Variants in PRKAR1B observed in about 807,000 individuals in gnomAD.
PRKAR1B encodes the protein protein kinase cAMP-dependent type I regulatory subunit beta.
A neutral mutation model predicts 46.5 loss-of-function variants in PRKAR1B; 22 were observed. That is an observed-to-expected ratio of 0.47 (90% confidence interval 0.34 to 0.68). PRKAR1B has a LOEUF of 0.68. Among genes scored for constraint, PRKAR1B ranks in the 30% least tolerant of loss-of-function variants. The probability of loss-of-function intolerance (pLI) is 0.01; values close to 1 mark genes in which losing one functional copy is unlikely to be tolerated. For synonymous variants in PRKAR1B, 259 were observed against 217.7 expected (o/e 1.19, Z -1.67); for missense variants, 445 against 535.6 (o/e 0.83, Z 1.67).
At chr7:681,734 G>T (rs921117968) in intron 2 of PRKAR1B, among the ~76,000 whole-genome samples, 1 of 152,226 alleles carries the variant, frequency 6.6e-6, no homozygotes, top group Non-Finnish European at 1.5e-5. Context: ...CCTTGCTCCT[G>T]CCCACAGACA....
intron 1 of PRKAR1B, among the ~76,000 whole-genome samples, chr7:720,050 C>CTTTT (rs34254216): frequency 3.5e-4 from 33 of 93,156 alleles, no homozygotes; most frequent in East Asian, 6.8e-4. Flanking sequence ...CTGTGCAAGT[C>CTTTT]TTTTTTTTTT....
At chr7:598,097 G>A (rs1264594850) in intron 6 of PRKAR1B, among the ~76,000 whole-genome samples, 1 of 152,134 alleles carries the variant, frequency 6.6e-6, no homozygotes, top group Non-Finnish European at 1.5e-5. Flanking sequence ...CACGCCTGGG[G>A]TGGCAGTCGC....
At chr7:627,885 G>A (rs1783502265) in intron 4 of PRKAR1B, among the ~76,000 whole-genome samples, 1 of 152,206 alleles carries the variant, frequency 6.6e-6, no homozygotes, top group Admixed American at 6.5e-5. Context: ...GTCTGTGCTG[G>A]GCGCCAGGTT....
At chr7:579,467 T>C (rs1583237321) in intron 8 of PRKAR1B, 90 bp from the exon 9 acceptor site, 5 of 1,541,210 alleles carry the variant, frequency 3.2e-6, no homozygotes, top group Non-Finnish European at 4.4e-6. Flanking sequence ...TCCCGAAAGG[T>C]GTCCTCAGAA....
chr7:619,105 T>C (rs995875054), intron 4 of PRKAR1B, among the ~76,000 whole-genome samples: 3 of 152,112 alleles, frequency 2.0e-5, no homozygotes, highest in South Asian at 2.1e-4. Context: ...CTCAATATGA[T>C]TGGTGTCCTT....
Position 666,079 on chromosome 7 carries a change from A to C in PRKAR1B, c.440+11150T>G, listed in dbSNP as rs993650552. ...GCCGGAGGCCCAACGCACAACACAA[A>C]CACGCACGGTGCCACCCAATTATCA... On this transcript the variant is annotated intron_variant, in intron 4 of 10. Transcript: ENST00000537384. The surrounding 1 kb of genome is among the most constrained non-coding windows in gnomAD (Gnocchi z 4.9). Among the ~76,000 whole-genome samples the C allele has an allele frequency of 1.3e-5, 2 of 152,102 alleles. No homozygotes were observed. The highest frequency in any genetic ancestry group is 4.8e-5 in the African/African-American group (2 of 41,408).
intron 4 of PRKAR1B, among the ~76,000 whole-genome samples, chr7:654,797 A>C (rs988728340): frequency 6.6e-6 from 1 of 151,988 alleles, no homozygotes; most frequent in African/African-American, 2.4e-5. Flanking sequence ...CATCACTATC[A>C]CCATTTTTAT....
intron 3 of PRKAR1B, among the ~76,000 whole-genome samples, chr7:679,803 C>A (rs1222361929): frequency 6.6e-6 from 1 of 152,030 alleles, no homozygotes; most frequent in African/African-American, 2.4e-5. Context: ...TGGGAGGTGG[C>A]TGGGGTTGGA....
intron 2 of PRKAR1B, among the ~76,000 whole-genome samples, chr7:706,205 A>G (rs986234544): frequency 1.3e-5 from 2 of 151,890 alleles, no homozygotes; most frequent in African/African-American, 2.4e-5. Context: ...GGGCACCGGT[A>G]CTCCCAGCTA....
At chr7:660,891 G>C (rs1166383963) in intron 4 of PRKAR1B, among the ~76,000 whole-genome samples, 1 of 110,842 alleles carries the variant, frequency 9.0e-6, no homozygotes, top group Non-Finnish European at 1.8e-5. Context: ...CTACTCCAAC[G>C]GGTCCAAATA....
chr7:633,538 A>G (rs372663135), intron 4 of PRKAR1B, among the ~76,000 whole-genome samples: 12 of 152,064 alleles, frequency 7.9e-5, no homozygotes, highest in African/African-American at 2.9e-4. Flanking sequence ...CCGAGGCGGG[A>G]GGATCACTTC....
intron 4 of PRKAR1B, among the ~76,000 whole-genome samples, chr7:627,636 C>T (rs570155141): frequency 5.3e-5 from 8 of 152,194 alleles, no homozygotes; most frequent in Non-Finnish European, 1.0e-4. Flanking sequence ...GCAGAGGGCA[C>T]TTCCAATTGT....
intron 4 of PRKAR1B, among the ~76,000 whole-genome samples, chr7:671,497 T>A (rs1292219630): frequency 1.3e-5 from 2 of 152,132 alleles, no homozygotes; most frequent in Admixed American, 6.5e-5. Context: ...CTCGCTCTGT[T>A]GCCCAGGCTA....
At chr7:720,204 G>A (rs1325559880) in intron 1 of PRKAR1B, among the ~76,000 whole-genome samples, 4 of 151,862 alleles carry the variant, frequency 2.6e-5, no homozygotes, top group African/African-American at 4.8e-5. Context: ...TTACAGGTGC[G>A]TGCCACCACA....
chr7:648,743 T>C (rs1027774361), intron 4 of PRKAR1B, among the ~76,000 whole-genome samples: 6 of 151,708 alleles, frequency 4.0e-5, no homozygotes, highest in South Asian at 2.1e-4. Context: ...GACTGCACCA[T>C]TGCACTCCAG....
At chr7:726,144 G>C (rs965262602) in intron 1 of PRKAR1B, among the ~76,000 whole-genome samples, 4 of 152,148 alleles carry the variant, frequency 2.6e-5, no homozygotes, top group African/African-American at 9.7e-5. Context: ...CCCCTGTCTT[G>C]ATAAATTGGC....
intron 4 of PRKAR1B, among the ~76,000 whole-genome samples, chr7:620,459 C>G (rs1216783456): frequency 6.6e-6 from 1 of 152,194 alleles, no homozygotes; most frequent in African/African-American, 2.4e-5. Flanking sequence ...ATCTGTGTCT[C>G]TTTTCTCATT....
At chr7:588,422 G>A (rs112622391) in intron 7 of PRKAR1B, among the ~76,000 whole-genome samples, 2 of 152,210 alleles carry the variant, frequency 1.3e-5, no homozygotes, top group African/African-American at 4.8e-5. Flanking sequence ...TGGTGGTGAT[G>A]TTGGTGAGGA....
chr7:643,742 C>A lies in PRKAR1B; in HGVS notation c.440+33487G>T, dbSNP rs116878255. Among the ~76,000 whole-genome samples, 1,505 of 151,990 alleles carry A rather than the reference C, an allele frequency of 9.9e-3. 13 individuals carry two copies. Among genetic ancestry groups the A allele is most frequent in the Middle Eastern group, 0.027 (8 of 294 alleles). On this transcript the variant is annotated intron_variant, in intron 4 of 10. Coordinates refer to ENST00000537384, the MANE Select transcript of PRKAR1B (RefSeq NM_001164760.2). Reference sequence around the variant, plus strand: ...ATCTTGAAAAAAAAAAAAGTCGCAGCTTCCTGGAATACCAGCTATTAAAGC... The same window carrying A: ...ATCTTGAAAAAAAAAAAAGTCGCAGATTCCTGGAATACCAGCTATTAAAGC...
Sources: allele counts gnomAD v4.1 joint callset (sites outside exome capture counted in the v4.1 genomes callset), GRCh38; gene constraint gnomAD v4.1.1; non-coding constraint Gnocchi (gnomAD v3.1); transcripts MANE v1.5; gene names NCBI Gene and HGNC (gene_info 2026-07-23, HGNC 2026-07-21).